DLEC1: variants seen among roughly 807,000 people sequenced by gnomAD.
DLEC1 encodes the protein DLEC1 cilia and flagella associated protein.
A neutral mutation model predicts 198.1 loss-of-function variants in DLEC1; 146 were observed. The observed-to-expected ratio is 0.74, with a 90% CI of 0.64 to 0.85. The LOEUF (loss-of-function observed/expected upper bound fraction) is 0.85. Among genes scored for constraint, DLEC1 ranks in the 40% least tolerant of loss-of-function variants. The probability of loss-of-function intolerance (pLI) is 0.00; values close to 1 mark genes in which losing one functional copy is unlikely to be tolerated. For missense variants in DLEC1, 2,233 were observed against 2,220.0 expected, an observed-to-expected ratio of 1.01 and a Z score of -0.12; for synonymous variants, 897 against 866.8, an observed-to-expected ratio of 1.03 and a Z score of -0.61.
chr3:38,103,151 C>T (rs1187460355), intron 19 of DLEC1: 1 of 152,194 alleles, frequency 6.6e-6, no homozygotes, highest in Non-Finnish European at 1.5e-5. Context: ...ATGCCCTCAC[C>T]CTTCCGAGTC....
chr3:38,096,879 C>T, intron 15 of DLEC1, 142 bp downstream of exon 15: 2 of 1,034,434 alleles, frequency 1.9e-6, no homozygotes, highest in African/African-American at 1.6e-5. Context: ...TTGAACCCAA[C>T]TTGACTTGCA....
intron 6 of DLEC1, among the ~76,000 whole-genome samples, chr3:38,067,524 G>A (rs1383132236): frequency 1.3e-5 from 2 of 152,164 alleles, no homozygotes; most frequent in African/African-American, 4.8e-5. Context: ...GAGCACAATG[G>A]GAATGACTTG....
In DLEC1 at chr3:38,049,189, A is replaced by G. The variant is rs532968453; in HGVS notation, c.562+3496A>G. On this transcript the variant is annotated intron_variant, in intron 2 of 36. Coordinates refer to ENST00000308059, the MANE Select transcript of DLEC1 (RefSeq NM_007335.4). ...TTACCCAAGAATGATATTAAGTTCT[A>G]ATCAGCCATTATCTGTCCTGGTTTC... Among the ~76,000 whole-genome samples the G allele has an allele frequency of 7.9e-5, 12 of 152,274 alleles. No homozygotes were observed. In the East Asian group the frequency reaches 2.3e-3, roughly 29 times the overall value.
chr3:38,114,834 G>A (rs2073712), intron 26 of DLEC1, 149 bp from the exon 27 acceptor site: 172,019 of 693,938 alleles, frequency 0.25, 23,575 homozygotes, highest in East Asian at 0.3. Flanking sequence ...GCCTGGGGAA[G>A]GCACCAGCCC....
intron 6 of DLEC1, among the ~76,000 whole-genome samples, chr3:38,080,802 CTTTTTTTTT>C (rs76282097): frequency 2.5e-4 from 28 of 112,800 alleles, no homozygotes; most frequent in Non-Finnish European, 4.1e-4. Context: ...TTCGGGTGTT[CTTTTTTTTT>C]TTTTTTTTTT....
rs1279895907 is a variant in DLEC1, at chr3:38,122,406, G to A, written c.5262G>A (p.Gln1754=). 6.2e-7 allele frequency: 1 copy of A among 1,614,092 alleles called. No individual in the cohort carries two copies. The highest frequency in any genetic ancestry group is 1.1e-5 in the South Asian group (1 of 91,066). ...ATGAGAGATACATGTTGCCTCACCA[G>A]CCCTGAGGCTCCGCCCCAGCCCTCA... is the stretch of plus-strand genomic sequence containing the variant. The part of the protein sequence containing the change: ...SYDERYMLPH[Q]P The change falls in exon 37 of 37, where the codon CAG becomes CAA. Residue 1754 remains glutamine, a synonymous_variant. Transcript: ENST00000308059.
At chr3:38,051,571 C>A (rs1701121053) in intron 2 of DLEC1, among the ~76,000 whole-genome samples, 1 of 152,214 alleles carries the variant, frequency 6.6e-6, no homozygotes, top group South Asian at 2.1e-4. Flanking sequence ...CAGCAGATAT[C>A]ATTTCCACTG....
intron 2 of DLEC1, among the ~76,000 whole-genome samples, chr3:38,050,808 A>G (rs375219988): frequency 9.8e-5 from 15 of 152,292 alleles, no homozygotes; most frequent in East Asian, 3.9e-4. Flanking sequence ...ATATACATAG[A>G]TTAGTTTCTG....
chr3:38,095,795 A>G (rs895127727), intron 13 of DLEC1, 93 bp from the exon 14 acceptor site: 2 of 1,520,300 alleles, frequency 1.3e-6, no homozygotes, highest in African/African-American at 2.7e-5. Flanking sequence ...GGCTAGGCTA[A>G]GGGGAGGAAG....
intron 2 of DLEC1, among the ~76,000 whole-genome samples, chr3:38,053,044 G>A (rs537901119): frequency 1.3e-3 from 194 of 152,324 alleles, no homozygotes; most frequent in Middle Eastern, 3.4e-3. Flanking sequence ...TGCCAGCCTC[G>A]GCCTCTCGAG....
chr3:38,111,768 G>A (rs1159603479), intron 24 of DLEC1, 21 bp downstream of exon 24: 2 of 1,606,378 alleles, frequency 1.2e-6, no homozygotes, highest in East Asian at 2.2e-5. Flanking sequence ...CCAGGGTGGG[G>A]CTTCGGGGCC....
rs536666064 is a variant in DLEC1 at position 38,046,748 on chromosome 3, T to C, written c.562+1055T>C. The stretch of plus-strand genomic sequence containing the variant: ...TGATTCAGACAACTTTTACATCCCA[T>C]TCAAATTTTACTGACTGTCCTACTG... On this transcript the variant is annotated intron_variant, in intron 2 of 36. Transcript: ENST00000308059. 8.1e-4 allele frequency among the ~76,000 whole-genome samples: 124 copies of C among 152,324 alleles called. 1 individual carries two copies. The South Asian group carries it at 0.024, about 30-fold the overall frequency.
At chr3:38,054,339 G>T (rs7652538) in intron 2 of DLEC1, among the ~76,000 whole-genome samples, 1 of 152,172 alleles carries the variant, frequency 6.6e-6, no homozygotes, top group Non-Finnish European at 1.5e-5. Context: ...GCGTGCAGGC[G>T]CCTGGAGGCA....
chr3:38,059,642 TTAGA>T, intron 2 of DLEC1, 96 bp from the exon 3 acceptor site: 1 of 926,780 alleles, frequency 1.1e-6, no homozygotes, highest in Non-Finnish European at 1.7e-6. Context: ...AGGAATTTTG[TTAGA>T]TAGTTTAGGC....
At chr3:38,097,481 A>G (rs1699086416) in intron 16 of DLEC1, 26 bp from the exon 17 acceptor site, 1 of 1,613,068 alleles carries the variant, frequency 6.2e-7, no homozygotes, top group Non-Finnish European at 8.5e-7. Context: ...TCTCCTCTCC[A>G]CCTCTCCCTT....
chr3:38,110,311 C>A, intron 23 of DLEC1, 30 bp downstream of exon 23: 1 of 1,612,356 alleles, frequency 6.2e-7, no homozygotes, highest in Non-Finnish European at 8.5e-7. Context: ...CTTCCCAGGG[C>A]AGATGAAGCT....
chr3:38,092,136 C>A (rs1575185013), intron 10 of DLEC1, among the ~76,000 whole-genome samples: 1 of 152,126 alleles, frequency 6.6e-6, no homozygotes. Flanking sequence ...TCACAATAGG[C>A]AAGCTATGGA....
chr3:38,110,942 A>G (rs554589520), intron 23 of DLEC1, among the ~76,000 whole-genome samples: 50 of 152,128 alleles, frequency 3.3e-4, no homozygotes, highest in Non-Finnish European at 5.7e-4. Flanking sequence ...ACACACATAT[A>G]CATAAACATA....
At chr3:38,116,340 A>G in intron 27 of DLEC1, 113 bp from the exon 28 acceptor site, 1 of 1,005,390 alleles carries the variant, frequency 9.9e-7, no homozygotes, top group Non-Finnish European at 1.5e-6. Flanking sequence ...CACCCCCTCC[A>G]CCTGGGTATG....
Sources: gnomAD v4.1 joint callset for allele counts (sites outside exome capture counted in the v4.1 genomes callset) on GRCh38, gnomAD v4.1.1 for gene constraint, MANE v1.5 for transcripts, NCBI Gene and HGNC (gene_info 2026-07-23, HGNC 2026-07-21) for gene names.